ZCCHC17: variants seen among roughly 807,000 people sequenced by gnomAD.
The protein encoded by ZCCHC17 is zinc finger CCHC-type containing 17, also known as zinc finger CCHC domain-containing protein 17.
Under a neutral mutation model 30.6 loss-of-function variants are expected in ZCCHC17, and 18 were observed. The ratio of observed to expected loss-of-function variants is 0.59; its 90% CI spans 0.41 to 0.87. ZCCHC17 has a LOEUF of 0.87. ZCCHC17 is among the 40% of genes least tolerant of loss of function. The probability of loss-of-function intolerance (pLI) is 0.00; values close to 1 mark genes in which losing one functional copy is unlikely to be tolerated. For missense variants in ZCCHC17, 263 were observed against 284.2 expected (o/e 0.93, Z 0.54); for synonymous variants, 88 against 92.4 (o/e 0.95, Z 0.27).
At chr1:31,313,603 T>C (rs1472258160) in intron 2 of ZCCHC17, among the ~76,000 whole-genome samples, 2 of 152,204 alleles carry the variant, frequency 1.3e-5, no homozygotes, top group Non-Finnish European at 2.9e-5. Flanking sequence ...TTTTAACACA[T>C]AGCAAACAGC....
chr1:31,333,674 T>C (rs1405433669), intron 3 of ZCCHC17, among the ~76,000 whole-genome samples: 1 of 152,216 alleles, frequency 6.6e-6, no homozygotes, highest in African/African-American at 2.4e-5. Flanking sequence ...GAGCAAAATA[T>C]TTCAAATTAA....
intron 3 of ZCCHC17, among the ~76,000 whole-genome samples, chr1:31,333,559 A>ATG (rs979111948): frequency 6.6e-6 from 1 of 151,896 alleles, no homozygotes; most frequent in Non-Finnish European, 1.5e-5. Flanking sequence ...GTGTGTGTGT[A>ATG]TGTGTGTGTA....
intron 2 of ZCCHC17, among the ~76,000 whole-genome samples, chr1:31,317,767 T>TA (rs1370592714): frequency 7.9e-5 from 12 of 152,308 alleles, no homozygotes; most frequent in African/African-American, 2.9e-4. Context: ...AGCACCCAGA[T>TA]ACACCTATAC....
At chr1:31,338,100 TCTGGGA>T (rs1053954796) in intron 4 of ZCCHC17, among the ~76,000 whole-genome samples, 5 of 151,104 alleles carry the variant, frequency 3.3e-5, no homozygotes, top group Non-Finnish European at 7.4e-5. Flanking sequence ...CTCCTGAGTA[TCTGGGA>T]CTACAGGCAC....
At chr1:31,325,764 G>A (rs1170096172) in intron 3 of ZCCHC17, among the ~76,000 whole-genome samples, 1 of 152,206 alleles carries the variant, frequency 6.6e-6, no homozygotes, top group Non-Finnish European at 1.5e-5. Context: ...AGGCCAAGTG[G>A]GCAGAACGAG....
At chr1:31,314,629 G>A (rs1470665330) in intron 2 of ZCCHC17, among the ~76,000 whole-genome samples, 1 of 152,136 alleles carries the variant, frequency 6.6e-6, no homozygotes, top group East Asian at 1.9e-4. Context: ...CTCTTTCCAA[G>A]TTTACTTTCT....
intron 7 of ZCCHC17, 23 bp from the exon 8 acceptor site, chr1:31,364,009 G>A: frequency 1.2e-6 from 2 of 1,607,236 alleles, no homozygotes; most frequent in African/African-American, 2.7e-5. Context: ...ATACAGTGTT[G>A]ATTTTTAAAA....
intron 1 of ZCCHC17, among the ~76,000 whole-genome samples, chr1:31,299,559 C>G (rs892085385): frequency 6.6e-6 from 1 of 152,192 alleles, no homozygotes; most frequent in Non-Finnish European, 1.5e-5. Context: ...TGTGAGTCAT[C>G]CAGTTTTGCT....
chr1:31,306,347 ACAGT>A (rs770262988), intron 1 of ZCCHC17, among the ~76,000 whole-genome samples: 4 of 152,184 alleles, frequency 2.6e-5, no homozygotes, highest in East Asian at 1.9e-4. Context: ...AGATACTTCA[ACAGT>A]CAGTCTGATA....
chr1:31,335,229 A>G (rs1305435895), intron 3 of ZCCHC17, among the ~76,000 whole-genome samples: 3 of 152,202 alleles, frequency 2.0e-5, no homozygotes, highest in Non-Finnish European at 4.4e-5. Flanking sequence ...CTGGTGGTAA[A>G]GATTGGCTTT....
At chr1:31,303,289 AAAAC>A (rs1646364753) in intron 1 of ZCCHC17, among the ~76,000 whole-genome samples, 1 of 152,152 alleles carries the variant, frequency 6.6e-6, no homozygotes, top group African/African-American at 2.4e-5. Flanking sequence ...CTCAAAACAA[AAAAC>A]AAAGCAAACA....
At chr1:31,310,236 G>A (rs1164983629) in intron 2 of ZCCHC17, 72 bp downstream of exon 2, 1 of 1,510,254 alleles carries the variant, frequency 6.6e-7, no homozygotes, top group Non-Finnish European at 9.2e-7. Context: ...TGGGTTTGTT[G>A]TTCCTGTCCA....
intron 3 of ZCCHC17, among the ~76,000 whole-genome samples, chr1:31,335,790 T>C (rs1282150552): frequency 6.6e-6 from 1 of 152,244 alleles, no homozygotes; most frequent in African/African-American, 2.4e-5. Flanking sequence ...CTTATTTTAC[T>C]ATCCTTTCAC....
chr1:31,317,629 ATT>A (rs11309133), intron 2 of ZCCHC17, among the ~76,000 whole-genome samples: 9 of 149,910 alleles, frequency 6.0e-5, no homozygotes, highest in Non-Finnish European at 1.3e-4. Context: ...CTATACTGTT[ATT>A]TTTTTTTTTT....
chr1:31,302,756 G>GGA (rs902802070), intron 1 of ZCCHC17, among the ~76,000 whole-genome samples: 50 of 151,442 alleles, frequency 3.3e-4, no homozygotes, highest in Admixed American at 5.9e-4. Context: ...TGGTGTCAGA[G>GGA]GAGAGAGAGA....
chr1:31,346,464 T>C (rs11806195), intron 5 of ZCCHC17, 176 bp from the exon 6 acceptor site: 19,350 of 581,202 alleles, frequency 0.033, 2,929 homozygotes, highest in African/African-American at 0.32. Flanking sequence ...TTCGTAATTG[T>C]TAATTTAGGG....
chr1:31,320,694 G>A (rs1283440027), intron 3 of ZCCHC17, among the ~76,000 whole-genome samples: 1 of 152,106 alleles, frequency 6.6e-6, no homozygotes. Flanking sequence ...ATCAGTTGAT[G>A]GATATTTGGG....
At chr1:31,351,754 A>G (rs1332473564) in intron 7 of ZCCHC17, among the ~76,000 whole-genome samples, 1 of 152,034 alleles carries the variant, frequency 6.6e-6, no homozygotes, top group African/African-American at 2.4e-5. Context: ...AACAACAACA[A>G]CAAAACCACC....
rs531746231 is a variant in ZCCHC17 at position 31,346,988 on chromosome 1, A to G, written c.418+248A>G. Among the ~76,000 whole-genome samples the G allele has an allele frequency of 1.4e-3, 213 of 152,246 alleles. 1 individual carries two copies. The highest frequency in any genetic ancestry group is 4.1e-3 in the African/African-American group (169 of 41,532). On this transcript the variant is annotated intron_variant, in intron 6 of 7. Coordinates refer to ENST00000344147, the MANE Select transcript of ZCCHC17 (RefSeq NM_016505.4). ...ACTCCTCCCACCCCACCCACAGCATATGCCTTGTCTGGGCAAGACCCCCAT... is the reference window on the plus strand; with the variant it reads ...ACTCCTCCCACCCCACCCACAGCATGTGCCTTGTCTGGGCAAGACCCCCAT...
Sources: gnomAD v4.1 joint callset for allele counts (sites outside exome capture counted in the v4.1 genomes callset) on GRCh38, gnomAD v4.1.1 for gene constraint, MANE v1.5 for transcripts, NCBI Gene and HGNC (gene_info 2026-07-23, HGNC 2026-07-21) for gene names.